ZFHX3: variants seen among roughly 807,000 people sequenced by gnomAD.
ZFHX3 encodes zinc finger homeobox protein 3.
A neutral mutation model predicts 279.1 loss-of-function variants in ZFHX3; 42 were observed. The observed-to-expected ratio is 0.15, with a 90% CI of 0.12 to 0.19. The LOEUF (loss-of-function observed/expected upper bound fraction) is 0.19, where lower values mean the gene tolerates loss of function less well. Ranked by LOEUF, ZFHX3 falls within the 10% of genes least tolerant of loss-of-function variation. The probability of loss-of-function intolerance (pLI) is 1.00; values close to 1 mark genes in which losing one functional copy is unlikely to be tolerated. For missense variants in ZFHX3, 4,981 were observed against 4,754.0 expected, an observed-to-expected ratio of 1.05 and a Z score of -1.40; for synonymous variants, 2,293 against 1,957.8, an observed-to-expected ratio of 1.17 and a Z score of -4.52.
intron 1 of ZFHX3, among the ~76,000 whole-genome samples, chr16:72,978,416 G>A (rs1962447718): frequency 6.6e-6 from 1 of 152,150 alleles, no homozygotes; most frequent in South Asian, 2.1e-4. Context: ...GAAATCAGCA[G>A]GGCAGTAAGT....
chr16:72,994,953 T>A (rs755608194), intron 1 of ZFHX3, among the ~76,000 whole-genome samples: 2 of 152,154 alleles, frequency 1.3e-5, no homozygotes, highest in Non-Finnish European at 2.9e-5. Context: ...TCAAGTTAAA[T>A]GAAGGGTTAA....
At chr16:73,651,309 A>T (rs1311172324) in intron 2 of ZFHX3, among the ~76,000 whole-genome samples, 3 of 151,954 alleles carry the variant, frequency 2.0e-5, no homozygotes, top group Non-Finnish European at 4.4e-5. Context: ...AATCTATTTT[A>T]TGGGAGTTCT....
intron 3 of ZFHX3, among the ~76,000 whole-genome samples, chr16:73,325,975 A>G (rs2015680329): frequency 1.3e-5 from 2 of 151,732 alleles, no homozygotes; most frequent in East Asian, 1.9e-4. Flanking sequence ...TGAGGAGGTC[A>G]GCTGAGGCTA....
chr16:73,495,510 C>A (rs1269241029), intron 2 of ZFHX3, among the ~76,000 whole-genome samples: 1 of 152,206 alleles, frequency 6.6e-6, no homozygotes, highest in Non-Finnish European at 1.5e-5. Context: ...CAGGAAATAG[C>A]AAAATTCCAG....
At chr16:72,800,230 T>C (rs1567521233) in intron 7 of ZFHX3, 101 bp from the exon 8 acceptor site, 2 of 950,700 alleles carry the variant, frequency 2.1e-6, no homozygotes, top group Non-Finnish European at 3.3e-6. Flanking sequence ...TTCACCAGTG[T>C]AAAGCTAGAG....
chr16:73,450,415 T>C (rs1223416816), intron 3 of ZFHX3, among the ~76,000 whole-genome samples: 2 of 152,224 alleles, frequency 1.3e-5, no homozygotes, highest in African/African-American at 2.4e-5. Context: ...CTTTGTATTC[T>C]ACCACTTTTA....
intron 3 of ZFHX3, chr16:73,402,598 T>A (rs2017279065): frequency 6.6e-6 from 1 of 152,240 alleles, no homozygotes. Flanking sequence ...TGAGTAGCAC[T>A]GAGGTTGAGA....
At chr16:73,162,532 C>T (rs528019650) in intron 5 of ZFHX3, among the ~76,000 whole-genome samples, 11 of 152,236 alleles carry the variant, frequency 7.2e-5, no homozygotes, top group African/African-American at 2.2e-4. Flanking sequence ...AATGATTCTA[C>T]GTGATGGTGA....
intron 1 of ZFHX3, among the ~76,000 whole-genome samples, chr16:73,762,977 C>A (rs1206510753): frequency 1.3e-5 from 2 of 152,284 alleles, no homozygotes; most frequent in African/African-American, 4.8e-5. Flanking sequence ...TACCCTAGAA[C>A]TTAAAATATT....
At chr16:73,216,813 C>CA (rs929160540) in intron 5 of ZFHX3, among the ~76,000 whole-genome samples, 14 of 152,004 alleles carry the variant, frequency 9.2e-5, no homozygotes, top group African/African-American at 3.4e-4. Flanking sequence ...TGAACACTTT[C>CA]AAAAAAGTAA....
At chr16:73,705,182 G>A (rs2053291018) in intron 1 of ZFHX3, among the ~76,000 whole-genome samples, 2 of 152,178 alleles carry the variant, frequency 1.3e-5, no homozygotes, top group South Asian at 4.1e-4. Flanking sequence ...AATTATAAAT[G>A]TGTGTCACTT....
chr16:73,168,211 T>TTTTCTCTTTCTTTCTTTCTTTCTTTC (rs1555502323), intron 5 of ZFHX3, among the ~76,000 whole-genome samples: 3 of 95,222 alleles, frequency 3.2e-5, no homozygotes, highest in African/African-American at 1.2e-4. Context: ...GTTTCTTTTG[T>TTTTCTCTTTCTTTCTTTCTTTCTTTC]TTTCTTTCTT....
intron 5 of ZFHX3, among the ~76,000 whole-genome samples, chr16:73,184,041 C>T (rs1967858907): frequency 6.6e-6 from 1 of 152,120 alleles, no homozygotes; most frequent in Admixed American, 6.5e-5. Flanking sequence ...AAAGAAGAGG[C>T]CTGGTCTGTG....
rs560109428 is a variant in ZFHX3 at position 73,376,812 on chromosome 16, G to A, written c.-1290-58476C>T. Reference sequence around the variant, plus strand: ...GCTGAGTAACTGATTTCTCTGTCTTGATAATTATAAAACTGGTCAGAGAGT... The same window carrying A: ...GCTGAGTAACTGATTTCTCTGTCTTAATAATTATAAAACTGGTCAGAGAGT... On this transcript the variant is annotated intron_variant, in intron 3 of 17. Transcript: ENST00000641206. 1.2e-4 allele frequency among the ~76,000 whole-genome samples: 18 copies of A among 152,198 alleles called. No homozygotes were observed. In the South Asian group the frequency reaches 3.7e-3, roughly 32 times the overall value.
At chr16:72,962,893 G>A (rs184960741) in intron 1 of ZFHX3, among the ~76,000 whole-genome samples, 12 of 152,070 alleles carry the variant, frequency 7.9e-5, no homozygotes, top group Admixed American at 2.6e-4. Context: ...GGGGACGCGC[G>A]CACAGAGGTA....
At chr16:72,922,778 A>C (rs920219136) in intron 3 of ZFHX3, among the ~76,000 whole-genome samples, 5 of 152,192 alleles carry the variant, frequency 3.3e-5, no homozygotes, top group Admixed American at 2.0e-4. Context: ...ATTCTATTTT[A>C]GGATATCTAA....
intron 5 of ZFHX3, chr16:73,233,907 T>G (rs2012859003): frequency 1.3e-5 from 2 of 152,278 alleles, no homozygotes; most frequent in African/African-American, 4.8e-5. Context: ...ATTCCAAGTT[T>G]CCTGAGCAGG....
At chr16:72,989,574 A>G (rs562989562) in intron 1 of ZFHX3, among the ~76,000 whole-genome samples, 63 of 152,334 alleles carry the variant, frequency 4.1e-4, no homozygotes, top group Non-Finnish European at 8.1e-4. Flanking sequence ...GACAGTGCAC[A>G]TGGATAAGTC....
chr16:73,308,174 C>G (rs1479789034), intron 4 of ZFHX3, among the ~76,000 whole-genome samples: 1 of 141,896 alleles, frequency 7.0e-6, no homozygotes, highest in Non-Finnish European at 1.5e-5. Flanking sequence ...TTAGGTTTGG[C>G]TGTCTACCTA....
Sources: allele counts gnomAD v4.1 joint callset (sites outside exome capture counted in the v4.1 genomes callset), GRCh38; gene constraint gnomAD v4.1.1; transcripts MANE v1.5; gene names NCBI Gene and HGNC (gene_info 2026-07-23, HGNC 2026-07-21).